Variants in PIGU observed in about 807,000 individuals in gnomAD.
PIGU encodes phosphatidylinositol glycan anchor biosynthesis class U.
In PIGU, 24 loss-of-function variants were observed where a neutral mutation model predicts 49.9. The observed-to-expected ratio is 0.48, with a 90% CI of 0.35 to 0.68. The LOEUF is 0.68. PIGU is among the 30% of genes least tolerant of loss of function. The pLI is 0.01. For missense variants in PIGU, 490 were observed against 532.6 expected, an observed-to-expected ratio of 0.92 and a Z score of 0.79; for synonymous variants, 220 against 205.7, an observed-to-expected ratio of 1.07 and a Z score of -0.59.
At chr20:34,606,149 G>A (rs1016665265) in intron 7 of PIGU, among the ~76,000 whole-genome samples, 1 of 151,954 alleles carries the variant, frequency 6.6e-6, no homozygotes, top group Non-Finnish European at 1.5e-5. Flanking sequence ...CAGCTACTTG[G>A]GAGGCTGAGG....
In PIGU at chr20:34,583,572, C is replaced by T. The variant is rs566721672; in HGVS notation, c.926+1865G>A. Among the ~76,000 whole-genome samples the T allele has an allele frequency of 2.0e-5, 3 of 152,338 alleles. No individual in the cohort carries two copies. In the East Asian group the frequency reaches 5.8e-4, roughly 29 times the overall value. On this transcript the variant is annotated intron_variant, in intron 9 of 11. Transcript: ENST00000217446. ...GGTGACATTATTGCCTAGCCAGGAG[C>T]AATGTGTGGCTTTGCATGCAGACAA...
At chr20:34,618,882 C>T (rs528728169) in intron 6 of PIGU, among the ~76,000 whole-genome samples, 2 of 152,312 alleles carry the variant, frequency 1.3e-5, no homozygotes. Context: ...CTCTGCTAAT[C>T]CAGCTCTAGA....
At chr20:34,561,319 A>ACTC (rs1421081395) in intron 11 of PIGU, among the ~76,000 whole-genome samples, 1 of 150,766 alleles carries the variant, frequency 6.6e-6, no homozygotes, top group Non-Finnish European at 1.5e-5. Context: ...TCCACATCAA[A>ACTC]CTCCTCACCT....
At chr20:34,630,028 C>CT (rs1985644414) in intron 6 of PIGU, among the ~76,000 whole-genome samples, 1 of 152,148 alleles carries the variant, frequency 6.6e-6, no homozygotes, top group African/African-American at 2.4e-5. Context: ...AGCCAACTCA[C>CT]CCCACAGAAC....
chr20:34,578,829 G>C (rs530393727), intron 10 of PIGU, among the ~76,000 whole-genome samples: 4 of 152,304 alleles, frequency 2.6e-5, no homozygotes, highest in Middle Eastern at 3.4e-3. Context: ...ATCAGAAAGC[G>C]TCAGAGGTGA....
intron 7 of PIGU, among the ~76,000 whole-genome samples, chr20:34,608,654 G>C (rs1002701077): frequency 6.6e-6 from 1 of 152,086 alleles, no homozygotes; most frequent in Non-Finnish European, 1.5e-5. Flanking sequence ...ATAATGTCAA[G>C]AGCAGATGTG....
intron 4 of PIGU, among the ~76,000 whole-genome samples, chr20:34,642,639 CATATATATATCTCATATATATATAT>C (rs1409275229): frequency 9.2e-5 from 12 of 129,840 alleles, no homozygotes; most frequent in Non-Finnish European, 7.9e-5. Context: ...CTATATCACA[CATATATATATCTCATATATATATAT>C]ATATATATAT....
chr20:34,666,365 A>G (rs994455374), intron 1 of PIGU, among the ~76,000 whole-genome samples: 1 of 152,080 alleles, frequency 6.6e-6, no homozygotes, highest in African/African-American at 2.4e-5. Context: ...CAGAGCATCC[A>G]AGTAACATTT....
chr20:34,636,836 G>A (rs1003959538), intron 5 of PIGU, among the ~76,000 whole-genome samples: 2 of 152,138 alleles, frequency 1.3e-5, no homozygotes, highest in East Asian at 3.9e-4. Context: ...TACAGCCAAA[G>A]GCCTAGAAAT....
intron 6 of PIGU, among the ~76,000 whole-genome samples, chr20:34,631,900 C>T (rs1489058053): frequency 6.9e-6 from 1 of 144,976 alleles, no homozygotes; most frequent in Non-Finnish European, 1.5e-5. Flanking sequence ...AGTGCAGTGT[C>T]ACTATCTTGG....
chr20:34,594,825 G>GC (rs1984128592), intron 7 of PIGU, among the ~76,000 whole-genome samples: 2 of 152,090 alleles, frequency 1.3e-5, no homozygotes, highest in Admixed American at 1.3e-4. Flanking sequence ...GGGCGCAGTG[G>GC]CTCACGCCTG....
At chr20:34,626,100 C>T (rs375644356) in intron 6 of PIGU, among the ~76,000 whole-genome samples, 3 of 151,832 alleles carry the variant, frequency 2.0e-5, no homozygotes, top group South Asian at 4.1e-4. Flanking sequence ...AACCACTCCT[C>T]TCTAAAGTAT....
At chr20:34,645,187 C>CA (rs1163864427) in intron 3 of PIGU, 88 bp downstream of exon 3, 102,941 of 1,007,306 alleles carry the variant, frequency 0.1, 62 homozygotes, top group African/African-American at 0.11. Flanking sequence ...GACCCCATCT[C>CA]AAAAAAAAAA....
chr20:34,659,113 C>G (rs1483386639), intron 1 of PIGU, among the ~76,000 whole-genome samples: 1 of 131,846 alleles, frequency 7.6e-6, no homozygotes, highest in African/African-American at 2.8e-5. Context: ...CCGCCCCGTC[C>G]GGGAGGTGAG....
intron 10 of PIGU, among the ~76,000 whole-genome samples, chr20:34,578,048 T>G (rs1460717306): frequency 6.6e-6 from 1 of 152,238 alleles, no homozygotes; most frequent in Non-Finnish European, 1.5e-5. Flanking sequence ...TAAAAAGTCC[T>G]TCATTTTATA....
chr20:34,584,044 G>A (rs1983594534), intron 9 of PIGU, among the ~76,000 whole-genome samples: 1 of 152,142 alleles, frequency 6.6e-6, no homozygotes, highest in Non-Finnish European at 1.5e-5. Flanking sequence ...GCTACTAAAA[G>A]CAATCTCTCC....
At chr20:34,657,153 C>T (rs1490487867) in intron 2 of PIGU, 27 bp downstream of exon 2, 1 of 1,558,960 alleles carries the variant, frequency 6.4e-7, no homozygotes, top group South Asian at 1.1e-5. Flanking sequence ...ACTCTTGGTA[C>T]CCAGAAAAGA....
intron 8 of PIGU, among the ~76,000 whole-genome samples, chr20:34,587,262 T>C (rs988442686): frequency 1.3e-5 from 2 of 152,220 alleles, no homozygotes; most frequent in African/African-American, 4.8e-5. Context: ...TGAGAACCGC[T>C]GCTATTTAAT....
intron 7 of PIGU, among the ~76,000 whole-genome samples, chr20:34,609,418 G>T (rs764685645): frequency 6.6e-6 from 1 of 151,450 alleles, no homozygotes; most frequent in Non-Finnish European, 1.5e-5. Context: ...AGGCTTGAGT[G>T]CAGTGGCGCA....
Sources: allele counts gnomAD v4.1 joint callset (sites outside exome capture counted in the v4.1 genomes callset), GRCh38; gene constraint gnomAD v4.1.1; transcripts MANE v1.5; gene names NCBI Gene and HGNC (gene_info 2026-07-23, HGNC 2026-07-21).